TNIP1: variants seen among roughly 807,000 people sequenced by gnomAD.
TNIP1 encodes the protein TNFAIP3-interacting protein 1.
TNIP1 carries 22 observed loss-of-function variants against 86.6 expected under a neutral mutation model. The observed-to-expected ratio is 0.25, with a 90% CI of 0.18 to 0.36. The LOEUF is 0.36. TNIP1 is among the 10% of genes least tolerant of loss of function. The pLI is 1.00. For missense variants in TNIP1, 709 were observed against 820.6 expected (o/e 0.86, Z 1.66); for synonymous variants, 294 against 313.0 (o/e 0.94, Z 0.64).
Position 151,064,959 on chromosome 5 carries a change from C to T in TNIP1, c.136+1G>A. On this transcript the variant is annotated splice_donor_variant, in intron 2 of 17. Transcript: ENST00000521591. LOFTEE classifies it high-confidence loss of function. Reference sequence around the variant, plus strand: ...CAGGGAGGGGACAGGGTCTGCTTTACCTAACATCTTTATCCCTTGCATTTT... The same window carrying T: ...CAGGGAGGGGACAGGGTCTGCTTTATCTAACATCTTTATCCCTTGCATTTT... 1 of 1,614,172 alleles carries T rather than the reference C, an allele frequency of 6.2e-7. No homozygotes were observed. Among genetic ancestry groups the T allele is most frequent in the South Asian group, 1.1e-5 (1 of 91,082 alleles).
intron 12 of TNIP1, 121 bp from the exon 13 acceptor site, chr5:151,037,042 C>G (rs1757801092): frequency 8.0e-7 from 1 of 1,255,450 alleles, no homozygotes. Flanking sequence ...CCACCACTAC[C>G]AGTCCTATTT....
At chr5:151,073,582 T>TTGTGTGTGTGTGTGTG (rs377380185) in intron 1 of TNIP1, among the ~76,000 whole-genome samples, 7,277 of 150,266 alleles carry the variant, frequency 0.048, 371 homozygotes, top group East Asian at 0.13. Context: ...CAAAAACACA[T>TTGTGTGTGTGTGTGTG]TGTGTGTGTG....
At chr5:151,068,318 C>T (rs774227966) in intron 1 of TNIP1, among the ~76,000 whole-genome samples, 3 of 152,186 alleles carry the variant, frequency 2.0e-5, no homozygotes, top group Non-Finnish European at 2.9e-5. Flanking sequence ...AACTCTCCCT[C>T]TGATCAATGA....
At chr5:151,031,119 G>C (rs577268903) in intron 17 of TNIP1, among the ~76,000 whole-genome samples, 1 of 152,278 alleles carries the variant, frequency 6.6e-6, no homozygotes, top group African/African-American at 2.4e-5. Context: ...CAGCCTCCAA[G>C]GGGCTCCACT....
At chr5:151,041,835 GCT>G (rs1161436281) in intron 11 of TNIP1, among the ~76,000 whole-genome samples, 2 of 152,052 alleles carry the variant, frequency 1.3e-5, no homozygotes, top group African/African-American at 4.8e-5. Context: ...GATAAATGAA[GCT>G]CTGTCTCATG....
chr5:151,050,115 T>C (rs1206532722), intron 7 of TNIP1, among the ~76,000 whole-genome samples, 168 bp from the exon 8 acceptor site: 2 of 152,228 alleles, frequency 1.3e-5, no homozygotes, highest in African/African-American at 2.4e-5. Context: ...TCAGCTACCT[T>C]GCTCTCAATC....
At chr5:151,073,816 C>G (rs1173078468) in intron 1 of TNIP1, among the ~76,000 whole-genome samples, 1 of 152,088 alleles carries the variant, frequency 6.6e-6, no homozygotes, top group African/African-American at 2.4e-5. Context: ...GGGAGGATCA[C>G]TTGAGCCCAG....
intron 1 of TNIP1, among the ~76,000 whole-genome samples, chr5:151,074,165 T>A (rs544596880): frequency 6.6e-6 from 1 of 152,232 alleles, no homozygotes; most frequent in South Asian, 2.1e-4. Context: ...ATATCTTTTG[T>A]ACTGCTTGAG....
chr5:151,060,532 A>C, intron 4 of TNIP1, 137 bp from the exon 5 acceptor site: 19 of 706,536 alleles, frequency 2.7e-5, no homozygotes, highest in East Asian at 5.5e-5. Flanking sequence ...ATATCATCTC[A>C]CATGAGATCA....
chr5:151,054,622 T>C (rs1056188925), intron 6 of TNIP1, among the ~76,000 whole-genome samples: 5 of 152,268 alleles, frequency 3.3e-5, no homozygotes, highest in African/African-American at 1.2e-4. Flanking sequence ...AAGGCTGTAG[T>C]GAGCTGTGGT....
chr5:151,033,643 G>A lies in TNIP1; in HGVS notation c.1744C>T (p.Pro582Ser), dbSNP rs1757217395. The A allele has an allele frequency of 1.5e-6, 2 of 1,359,324 alleles. No individual in the cohort carries two copies. Among genetic ancestry groups the A allele is most frequent in the Admixed American group, 2.9e-5 (1 of 34,996 alleles). The allele number at this position is 1,359,324 out of a possible 1,614,324, so 84.2% of individuals were successfully genotyped here. A position where few individuals can be genotyped will look rare whatever the true frequency, so the allele number is the denominator to read the frequency against. ...YPPPPMAMEH[P>S]PPLPNSRLFH... The stretch of plus-strand genomic sequence containing the variant: ...AGGCGCGAGTTGGGGAGTGGGGGCG[G>A]GTGCTCCATGGCCATGGGGGGAGGG... The change falls in exon 16 of 18, where the codon CCG becomes TCG. Residue 582 changes from proline to serine, a missense_variant. Physicochemically the swap from Pro to Ser is moderately conservative, Grantham distance 74. Transcript: ENST00000521591.
At chr5:151,055,424 C>G (rs1245443645) in intron 6 of TNIP1, among the ~76,000 whole-genome samples, 1 of 152,162 alleles carries the variant, frequency 6.6e-6, no homozygotes, top group Non-Finnish European at 1.5e-5. Context: ...CCCCAGGCAC[C>G]TTCCTACCCT....
intron 11 of TNIP1, among the ~76,000 whole-genome samples, chr5:151,041,157 G>A (rs988849573): frequency 1.6e-4 from 24 of 149,326 alleles, no homozygotes; most frequent in African/African-American, 4.0e-4. Context: ...TGCAACCTCC[G>A]CCTCCCGGGT....
chr5:151,031,676 C>T (rs372052585), intron 17 of TNIP1, among the ~76,000 whole-genome samples: 2 of 152,308 alleles, frequency 1.3e-5, no homozygotes, highest in African/African-American at 4.8e-5. Flanking sequence ...CGTCCTGAAC[C>T]CTGCGTTGCC....
intron 2 of TNIP1, 119 bp from the exon 3 acceptor site, chr5:151,063,866 T>TCA: frequency 3.1e-6 from 4 of 1,296,496 alleles, no homozygotes; most frequent in Non-Finnish European, 4.2e-6. Context: ...GCCCTGGACT[T>TCA]CACTCCCACC....
intron 15 of TNIP1, chr5:151,034,379 G>A: frequency 3.2e-6 from 1 of 309,292 alleles, no homozygotes; most frequent in South Asian, 2.6e-5. Flanking sequence ...GGCACGGAAG[G>A]CTAGAACATG....
chr5:151,030,406 C>A lies in TNIP1; in HGVS notation c.*307G>T. The A allele has an allele frequency of 1.9e-6, 1 of 513,856 alleles. No individual in the cohort carries two copies. Among genetic ancestry groups the A allele is most frequent in the South Asian group, 2.1e-5 (1 of 48,430 alleles). The allele number at this position is 513,856 out of a possible 1,614,324, so 31.8% of individuals were successfully genotyped here. ...TGGCTGCCTCCCACTCTTAGGATTG[C>A]TGCTCCTGGAGGCTTCTGCAACGGA... On this transcript the variant is annotated 3_prime_UTR_variant, in exon 18 of 18. Transcript: ENST00000521591.
At chr5:151,081,841 C>G (rs1764050209), upstream of TNIP1, among the ~76,000 whole-genome samples, 1 of 152,008 alleles carries the variant, frequency 6.6e-6, no homozygotes, top group Admixed American at 6.6e-5. Flanking sequence ...ATTTCCTAGA[C>G]CGGTAAGGAA....
intron 17 of TNIP1, among the ~76,000 whole-genome samples, chr5:151,031,341 G>A (rs1187076288): frequency 6.6e-6 from 1 of 152,162 alleles, no homozygotes; most frequent in Admixed American, 6.5e-5. Flanking sequence ...TCTTCATGTT[G>A]CGATGGACTT....
Sources: gnomAD v4.1 joint callset for allele counts (sites outside exome capture counted in the v4.1 genomes callset) on GRCh38, gnomAD v4.1.1 for gene constraint, MANE v1.5 for transcripts, NCBI Gene and HGNC (gene_info 2026-07-23, HGNC 2026-07-21) for gene names.